FRMD4B: variants seen among roughly 807,000 people sequenced by gnomAD.
FRMD4B encodes FERM domain-containing protein 4B.
In FRMD4B, 74 loss-of-function variants were observed where a neutral mutation model predicts 141.5. The observed-to-expected ratio is 0.52, with a 90% CI of 0.43 to 0.63. The LOEUF is 0.63. FRMD4B is among the 30% of genes least tolerant of loss of function. FRMD4B has a pLI of 0.00. For missense variants in FRMD4B, 1,366 were observed against 1,253.4 expected, an observed-to-expected ratio of 1.09 and a Z score of -1.36; for synonymous variants, 506 against 467.9, an observed-to-expected ratio of 1.08 and a Z score of -1.05.
At chr3:69,239,763 C>T (rs2093368723) in intron 7 of FRMD4B, among the ~76,000 whole-genome samples, 1 of 151,886 alleles carries the variant, frequency 6.6e-6, no homozygotes, top group East Asian at 1.9e-4. Context: ...ATTGGCCGTA[C>T]AACATAAACA....
chr3:69,331,104 G>C (rs1156765455), intron 1 of FRMD4B, among the ~76,000 whole-genome samples: 1 of 152,136 alleles, frequency 6.6e-6, no homozygotes, highest in Non-Finnish European at 1.5e-5. Flanking sequence ...ATTTTCCCCC[G>C]TGTCCCTATC....
chr3:69,529,224 T>C (rs978891790), intron 1 of FRMD4B, among the ~76,000 whole-genome samples: 2 of 152,226 alleles, frequency 1.3e-5, no homozygotes, highest in African/African-American at 2.4e-5. Context: ...CTAGAGCTTC[T>C]GAATTTTTAA....
At chr3:69,536,830 T>G in intron 1 of FRMD4B, 1 of 370,264 alleles carries the variant, frequency 2.7e-6, no homozygotes, top group South Asian at 2.6e-5. Context: ...CACTGCAGCC[T>G]CAACCTCCTG....
At chr3:69,280,395 C>A (rs2093639267) in intron 5 of FRMD4B, among the ~76,000 whole-genome samples, 1 of 152,130 alleles carries the variant, frequency 6.6e-6, no homozygotes, top group African/African-American at 2.4e-5. Context: ...AGTTTTCTTA[C>A]AGGTTCTCTT....
intron 2 of FRMD4B, among the ~76,000 whole-genome samples, chr3:69,425,386 G>A (rs1038200546): frequency 2.0e-5 from 3 of 152,200 alleles, no homozygotes. Flanking sequence ...CAAAAGTGAA[G>A]AGAGACACTC....
intron 2 of FRMD4B, among the ~76,000 whole-genome samples, chr3:69,404,662 G>A (rs1306115693): frequency 3.3e-5 from 5 of 152,122 alleles, no homozygotes; most frequent in Admixed American, 6.5e-5. Context: ...TGTGAGTTTC[G>A]TGCTTGGTAC....
intron 11 of FRMD4B, among the ~76,000 whole-genome samples, chr3:69,214,089 C>G (rs929036440): frequency 6.6e-6 from 1 of 152,054 alleles, no homozygotes; most frequent in Non-Finnish European, 1.5e-5. Flanking sequence ...CTAATCTACC[C>G]TTTTGTGTTA....
intron 1 of FRMD4B, among the ~76,000 whole-genome samples, chr3:69,493,491 T>C (rs543493260): frequency 6.6e-6 from 1 of 152,320 alleles, no homozygotes; most frequent in African/African-American, 2.4e-5. Context: ...GTCTGGCTGC[T>C]ATTTGAAAAT....
At chr3:69,263,183 G>T (rs1250985444) in intron 5 of FRMD4B, among the ~76,000 whole-genome samples, 1 of 152,082 alleles carries the variant, frequency 6.6e-6, no homozygotes, top group African/African-American at 2.4e-5. Context: ...CTTGAACCCG[G>T]GAGGTGGAGG....
chr3:69,491,987 G>A (rs1043484584), intron 1 of FRMD4B, among the ~76,000 whole-genome samples: 5 of 152,094 alleles, frequency 3.3e-5, no homozygotes, highest in East Asian at 1.9e-4. Flanking sequence ...CTCCTCCGCC[G>A]TACCCCCGCA....
intron 2 of FRMD4B, among the ~76,000 whole-genome samples, chr3:69,423,434 C>A (rs1424955761): frequency 6.6e-6 from 1 of 152,166 alleles, no homozygotes; most frequent in Non-Finnish European, 1.5e-5. Flanking sequence ...CCTCTTGTTT[C>A]AGTTCATGTT....
chr3:69,312,772 G>T (rs1701642779), intron 2 of FRMD4B, among the ~76,000 whole-genome samples: 1 of 152,110 alleles, frequency 6.6e-6, no homozygotes, highest in Non-Finnish European at 1.5e-5. Flanking sequence ...GGTGGTGGTG[G>T]CCTGTACTCA....
At chr3:69,416,596 C>T (rs1036622166) in intron 2 of FRMD4B, among the ~76,000 whole-genome samples, 1 of 152,108 alleles carries the variant, frequency 6.6e-6, no homozygotes, top group Non-Finnish European at 1.5e-5. Context: ...AGGTTTGTTA[C>T]ATAGGTATAT....
chr3:69,254,279 A>T (rs1559754995), intron 5 of FRMD4B, among the ~76,000 whole-genome samples: 1 of 149,996 alleles, frequency 6.7e-6, no homozygotes, highest in Non-Finnish European at 1.5e-5. Context: ...TAATTTTTGT[A>T]TTTTTTTTTA....
intron 11 of FRMD4B, chr3:69,199,230 C>G (rs576981566): frequency 6.4e-6 from 1 of 156,926 alleles, no homozygotes; most frequent in South Asian, 1.8e-4. Flanking sequence ...CCAGATCGCG[C>G]CACTGCACTC....
chr3:69,523,931 C>G (rs999971228), intron 1 of FRMD4B, among the ~76,000 whole-genome samples: 8 of 152,202 alleles, frequency 5.3e-5, no homozygotes, highest in African/African-American at 1.9e-4. Flanking sequence ...GAAGGCACCA[C>G]CCAGCAGAGA....
At chr3:69,321,281 CT>C (rs1701986660) in intron 1 of FRMD4B, among the ~76,000 whole-genome samples, 1 of 152,200 alleles carries the variant, frequency 6.6e-6, no homozygotes, top group Non-Finnish European at 1.5e-5. Context: ...AAATCGTAGC[CT>C]ACTTCGGCTT....
intron 4 of FRMD4B, among the ~76,000 whole-genome samples, chr3:69,296,221 T>C (rs111982043): frequency 3.3e-5 from 5 of 152,240 alleles, no homozygotes; most frequent in South Asian, 4.2e-4. Context: ...TAAGCATTCA[T>C]GGCCCATCTG....
At chr3:69,516,082 A>T (rs1283849709) in intron 1 of FRMD4B, among the ~76,000 whole-genome samples, 1 of 152,028 alleles carries the variant, frequency 6.6e-6, no homozygotes, top group African/African-American at 2.4e-5. Context: ...AAAATTAGCC[A>T]GGTGTGGTGG....
Sources: gnomAD v4.1 joint callset for allele counts (sites outside exome capture counted in the v4.1 genomes callset) on GRCh38, gnomAD v4.1.1 for gene constraint, MANE v1.5 for transcripts, NCBI Gene and HGNC (gene_info 2026-07-23, HGNC 2026-07-21) for gene names.